RBM26: variants seen among roughly 807,000 people sequenced by gnomAD.
RBM26 encodes the protein RNA-binding protein 26.
Under a neutral mutation model 123.6 loss-of-function variants are expected in RBM26, and 30 were observed. The observed-to-expected ratio is 0.24, with a 90% CI of 0.18 to 0.33. The LOEUF (loss-of-function observed/expected upper bound fraction) is 0.33, where lower values mean the gene tolerates loss of function less well. Among genes scored for constraint, RBM26 ranks in the 10% least tolerant of loss-of-function variants. The probability of loss-of-function intolerance (pLI) is 1.00; values close to 1 mark genes in which losing one functional copy is unlikely to be tolerated. For missense variants in RBM26, 947 were observed against 1,203.6 expected (o/e 0.79, Z 3.15); for synonymous variants, 400 against 404.4 (o/e 0.99, Z 0.13).
intron 1 of RBM26, among the ~76,000 whole-genome samples, chr13:79,398,621 T>C (rs961166521): frequency 9.9e-5 from 15 of 152,196 alleles, no homozygotes; most frequent in Non-Finnish European, 5.9e-5. Flanking sequence ...TGCAGCTCTA[T>C]GGAGACAGCA....
Position 79,366,078 on chromosome 13 carries a change from G to A in RBM26, c.1253C>T (p.Ala418Val), listed in dbSNP as rs1234618409. The A allele has an allele frequency of 6.2e-7, 1 of 1,614,048 alleles. No homozygotes were observed. The highest frequency in any genetic ancestry group is 1.7e-5 in the Admixed American group (1 of 60,000). The change falls in exon 8 of 22, where the codon GCT (alanine) becomes GTT (valine). Residue 418 changes from alanine to valine, a missense_variant. Ala to Val is a moderately conservative substitution (Grantham distance 64, BLOSUM62 0). Coordinates refer to ENST00000438737, the MANE Select transcript of RBM26 (RefSeq NM_001366735.2). ...TTGIHHQPPP[A>V]PPSLFTADTY... ...ACCTGCAGTAAAAAGAGAGGGTGGA[G>A]CAGGAGGAGGCTGGTGATGAATGCC...
intron 20 of RBM26, among the ~76,000 whole-genome samples, chr13:79,334,065 A>G (rs2069886722): frequency 6.6e-6 from 1 of 152,168 alleles, no homozygotes; most frequent in South Asian, 2.1e-4. Flanking sequence ...CCTATCTACT[A>G]TGAAAAAGAA....
chr13:79,358,457 C>A, intron 10 of RBM26, 24 bp from the exon 11 acceptor site: 1 of 1,591,064 alleles, frequency 6.3e-7, no homozygotes, highest in South Asian at 1.1e-5. Context: ...TCAAGTTAGT[C>A]AATACATTTA....
chr13:79,347,699 A>T (rs974355414), intron 14 of RBM26, among the ~76,000 whole-genome samples: 2 of 152,132 alleles, frequency 1.3e-5, no homozygotes, highest in African/African-American at 4.8e-5. Flanking sequence ...TGAATTTTCT[A>T]TATCTACAAC....
chr13:79,320,386 T>C lies in RBM26; in HGVS notation c.*235A>G, dbSNP rs1432543386. On this transcript the variant is annotated 3_prime_UTR_variant, in exon 22 of 22. Coordinates refer to ENST00000438737, the MANE Select transcript of RBM26 (RefSeq NM_001366735.2). The stretch of plus-strand genomic sequence containing the variant: ...CCAGTAGAAGTATGTAATAAAAACA[T>C]TGCATATGTTTCTAGTGTGATGTCT... The C allele has an allele frequency of 2.6e-5, 30 of 1,138,044 alleles. 1 individual carries two copies. The East Asian group carries it at 3.2e-4, about 12-fold the overall frequency. 70.5% of individuals were successfully genotyped at this position (1,138,044 alleles called of 1,614,324 possible).
At chr13:79,391,422 C>G (rs991845014) in intron 1 of RBM26, among the ~76,000 whole-genome samples, 3 of 152,110 alleles carry the variant, frequency 2.0e-5, no homozygotes, top group African/African-American at 7.2e-5. Context: ...TGAAGCATTT[C>G]TTTTTGTGTG....
intron 12 of RBM26, 56 bp from the exon 13 acceptor site, chr13:79,354,626 G>T: frequency 1.4e-6 from 2 of 1,465,810 alleles, no homozygotes; most frequent in South Asian, 1.5e-5. Flanking sequence ...GATGGAAAGT[G>T]ACCTGTGTTA....
intron 17 of RBM26, 117 bp downstream of exon 17, chr13:79,342,547 A>T: frequency 1.3e-6 from 1 of 772,652 alleles, no homozygotes; most frequent in Non-Finnish European, 2.1e-6. Context: ...AGAATGGTAC[A>T]TACAATGGTC....
intron 1 of RBM26, among the ~76,000 whole-genome samples, chr13:79,391,729 A>AT (rs2078014601): frequency 6.6e-6 from 1 of 152,072 alleles, no homozygotes; most frequent in African/African-American, 2.4e-5. Flanking sequence ...CAGCCGAAGC[A>AT]TTTCTATATT....
At chr13:79,379,819 G>GA (rs1472213502) in intron 1 of RBM26, among the ~76,000 whole-genome samples, 2 of 150,342 alleles carry the variant, frequency 1.3e-5, no homozygotes, top group African/African-American at 4.9e-5. Context: ...CATTATAAGA[G>GA]AAAAAAAGAC....
chr13:79,403,987 C>T (rs2079283621), intron 1 of RBM26, among the ~76,000 whole-genome samples: 1 of 149,588 alleles, frequency 6.7e-6, no homozygotes, highest in African/African-American at 2.5e-5. Flanking sequence ...CAGTACTAGG[C>T]CCTCTTCTCT....
chr13:79,377,785 G>A (rs1337175482), intron 2 of RBM26, among the ~76,000 whole-genome samples: 1 of 152,128 alleles, frequency 6.6e-6, no homozygotes, highest in African/African-American at 2.4e-5. Flanking sequence ...GCAGGTGCCT[G>A]TAATTCCAGA....
intron 1 of RBM26, among the ~76,000 whole-genome samples, chr13:79,390,970 T>C (rs1451671688): frequency 6.6e-6 from 1 of 152,194 alleles, no homozygotes; most frequent in Non-Finnish European, 1.5e-5. Flanking sequence ...TTAGTATCTA[T>C]TTAAGGTTGC....
Position 79,320,562 on chromosome 13 carries a change from G to T in RBM26, c.*59C>A. ...TTTACAAATATGTAAAAGTACATTA[G>T]ATAATACTAATGAAACACAGGTAGA... On this transcript the variant is annotated 3_prime_UTR_variant, in exon 22 of 22. Transcript: ENST00000438737. 6.9e-7 allele frequency: 1 copy of T among 1,449,028 alleles called. No individual in the cohort carries two copies. Among genetic ancestry groups the T allele is most frequent in the Non-Finnish European group, 9.1e-7 (1 of 1,096,518 alleles). The allele number at this position is 1,449,028 out of a possible 1,614,324, so 89.8% of individuals were successfully genotyped here. A position where few individuals can be genotyped will look rare whatever the true frequency, so the allele number is the denominator to read the frequency against.
chr13:79,366,225 T>C (rs771412695), intron 7 of RBM26, 30 bp from the exon 8 acceptor site: 1 of 1,597,894 alleles, frequency 6.3e-7, no homozygotes, highest in Non-Finnish European at 8.5e-7. Context: ...AGAAATATCA[T>C]CTGAAAGCAA....
chr13:79,317,180 A>T (rs2067227669), downstream of RBM26, among the ~76,000 whole-genome samples: 1 of 151,768 alleles, frequency 6.6e-6, no homozygotes, highest in Admixed American at 6.6e-5. Context: ...GGCTGAATGT[A>T]ATTTGTACTG....
Position 79,358,360 on chromosome 13 carries a change from C to G in RBM26, c.1603G>C (p.Glu535Gln), listed in dbSNP as rs1292497985. The G allele has an allele frequency of 3.7e-6, 6 of 1,612,090 alleles. No homozygotes were observed. In the African/African-American group the frequency reaches 6.7e-5, roughly 18 times the overall value. ...AATTCTGGAGGAACTTTTCTAAGTTCAAGCTTGGTATTTTCATTTCCAAAT... is the reference window on the plus strand; with the variant it reads ...AATTCTGGAGGAACTTTTCTAAGTTGAAGCTTGGTATTTTCATTTCCAAAT... Reference protein sequence around the residue: ...VQFGNENTKLELRKVPPELNN... With the variant: ...VQFGNENTKLQLRKVPPELNN... Residue 535 changes from glutamate (E) to glutamine (Q), a missense_variant, in exon 11 of 22, where the codon GAA (glutamate) becomes CAA (glutamine). By Grantham distance (29) the Glu-to-Gln change is conservative. Around this residue, in one of 5 missense-constraint regions of RBM26, gnomAD observed 493 missense variants for 563.1 expected, o/e 0.88. Transcript: ENST00000438737.
chr13:79,314,797 A>C (rs963974678), downstream of RBM26: 7 of 316,542 alleles, frequency 2.2e-5, no homozygotes, highest in African/African-American at 1.6e-4. Flanking sequence ...ATTCAGATAC[A>C]CTTTGGACTC....
At chr13:79,357,969 G>A (rs369533305) in intron 11 of RBM26, among the ~76,000 whole-genome samples, 1 of 149,222 alleles carries the variant, frequency 6.7e-6, no homozygotes, top group Non-Finnish European at 1.5e-5. Context: ...TGCAACCTTA[G>A]CCTCCCAGAT....
Sources: allele counts gnomAD v4.1 joint callset (sites outside exome capture counted in the v4.1 genomes callset), GRCh38; gene constraint gnomAD v4.1.1; regional missense constraint gnomAD v4.1.1; transcripts MANE v1.5; gene names NCBI Gene and HGNC (gene_info 2026-07-23, HGNC 2026-07-21).